LIFR: variants seen among roughly 807,000 people sequenced by gnomAD.
LIFR encodes the protein leukemia inhibitory factor receptor.
Under a neutral mutation model 122.2 loss-of-function variants are expected in LIFR, and 84 were observed. The observed-to-expected ratio is 0.69, with a 90% confidence interval of 0.58 to 0.82. The LOEUF is 0.82. Among genes scored for constraint, LIFR ranks in the 40% least tolerant of loss-of-function variants. LIFR has a pLI of 0.00. For synonymous variants in LIFR, 422 were observed against 434.7 expected (o/e 0.97, Z 0.36); for missense variants, 1,294 against 1,311.6 (o/e 0.99, Z 0.21).
Position 38,585,423 on chromosome 5 carries a change from C to T in LIFR, c.-20+9838G>A, listed in dbSNP as rs549190641. On this transcript the variant is annotated intron_variant, in intron 1 of 19. Coordinates refer to the LIFR transcript ENST00000263409. Reference sequence around the variant, plus strand: ...AACAAGCAAGGCTACTGACTTTTGCCAGGGTCATGTTTGGAGGTCGCTTTA... The same window carrying T: ...AACAAGCAAGGCTACTGACTTTTGCTAGGGTCATGTTTGGAGGTCGCTTTA... 3.3e-5 allele frequency among the ~76,000 whole-genome samples: 5 copies of T among 152,292 alleles called. No individual in the cohort carries two copies. In the South Asian group the frequency reaches 6.2e-4, roughly 19 times the overall value.
At chr5:38,605,681 T>C (rs1750314258) in intron 2 of LIFR, among the ~76,000 whole-genome samples, 1 of 152,166 alleles carries the variant, frequency 6.6e-6, no homozygotes, top group African/African-American at 2.4e-5. Context: ...CACAGGGAAA[T>C]TCCCTGTGGA....
At chr5:38,554,008 T>A (rs933178351) in intron 1 of LIFR, among the ~76,000 whole-genome samples, 1 of 152,112 alleles carries the variant, frequency 6.6e-6, no homozygotes, top group African/African-American at 2.4e-5. Flanking sequence ...CTGGTGATAA[T>A]CTACAGAAGG....
chr5:38,490,498 C>A (rs138049508), intron 14 of LIFR: 130 of 301,808 alleles, frequency 4.3e-4, no homozygotes, highest in Non-Finnish European at 3.5e-4. Flanking sequence ...TCTATTTTAA[C>A]AAAAAGTTTA....
intron 1 of LIFR, among the ~76,000 whole-genome samples, chr5:38,580,838 G>A (rs914675825): frequency 1.3e-5 from 2 of 152,048 alleles, no homozygotes; most frequent in Admixed American, 6.6e-5. Context: ...TTCAGCCTCT[G>A]CAGCCCCATA....
Position 38,490,298 on chromosome 5 carries a change from G to C in LIFR, c.2066-7C>G, listed in dbSNP as rs1744514857. 7.8e-7 allele frequency: 1 copy of C among 1,280,226 alleles called. No homozygotes were observed. The highest frequency in any genetic ancestry group is 1.5e-5 in the African/African-American group (1 of 68,280). The allele number at this position is 1,280,226 out of a possible 1,614,324, so 79.3% of individuals were successfully genotyped here. ...ATACCTGGTCGAAACTCATCTATAG[G>C]ATGAACATATCAGCAAACTTTCATA... On this transcript the variant is annotated splice_polypyrimidine_tract_variant and splice_region_variant and intron_variant, in intron 14 of 19. Coordinates refer to ENST00000453190, the MANE Select transcript of LIFR (RefSeq NM_001127671.2).
rs1450092975 is a variant in LIFR at position 38,523,634 on chromosome 5, T to C, written c.398-52A>G. 3 of 1,391,992 alleles carry C rather than the reference T, an allele frequency of 2.2e-6. 1 individual carries two copies. Among genetic ancestry groups the C allele is most frequent in the South Asian group, 1.2e-5 (1 of 86,002 alleles). The allele number at this position is 1,391,992 out of a possible 1,614,324, so 86.2% of individuals were successfully genotyped here. A position where few individuals can be genotyped will look rare whatever the true frequency, so the allele number is the denominator to read the frequency against. ...AACTTAGTAAAATAAGTAATGATTT[T>C]TCATACTGTAACTCCACTAATCAAC... On this transcript the variant is annotated intron_variant, in intron 4 of 19. Transcript: ENST00000453190.
intron 1 of LIFR, among the ~76,000 whole-genome samples, chr5:38,551,309 C>T (rs1354555912): frequency 1.3e-5 from 2 of 152,090 alleles, no homozygotes; most frequent in Non-Finnish European, 2.9e-5. Context: ...CTGTGGCACT[C>T]GGGTGTCCTC....
chr5:38,502,860 T>C, intron 10 of LIFR, 61 bp from the exon 11 acceptor site: 1 of 979,964 alleles, frequency 1.0e-6, no homozygotes, highest in Non-Finnish European at 1.5e-6. Flanking sequence ...TACATATATA[T>C]ATACATACAC....
intron 1 of LIFR, among the ~76,000 whole-genome samples, chr5:38,533,970 T>C (rs1051998369): frequency 1.3e-5 from 2 of 152,198 alleles, no homozygotes; most frequent in Non-Finnish European, 2.9e-5. Flanking sequence ...AATACTAAGC[T>C]GGAACACTCG....
At position 38,564,771 on chromosome 5, in the gene LIFR, CACACACAT is replaced by C. The variant is rs763658768; in HGVS notation, c.-20+30482_-20+30489del. ...ACACACACACACACACACACACACA[CACACACAT>C]ATATTTTTTTTTTGAGTCAGAGTCT... On this transcript the variant is annotated intron_variant, in intron 1 of 19. Coordinates refer to the LIFR transcript ENST00000263409. Among the ~76,000 whole-genome samples the C allele has an allele frequency of 6.2e-3, 817 of 131,006 alleles. 4 individuals carry two copies. Among genetic ancestry groups the C allele is most frequent in the Non-Finnish European group, 9.7e-3 (592 of 60,766 alleles). 85.9% of individuals were successfully genotyped at this position (131,006 alleles called of 152,430 possible).
At chr5:38,528,525 C>T in intron 3 of LIFR, 1 of 609,602 alleles carries the variant, frequency 1.6e-6, no homozygotes, top group Admixed American at 2.6e-5. Context: ...GACTCTGTCC[C>T]CTCTTCTCAC....
chr5:38,542,738 A>G (rs1473884796), intron 1 of LIFR, among the ~76,000 whole-genome samples: 4 of 152,108 alleles, frequency 2.6e-5, no homozygotes, highest in African/African-American at 4.8e-5. Flanking sequence ...GTGGTGCCTC[A>G]GTGTTCCCGC....
intron 1 of LIFR, among the ~76,000 whole-genome samples, chr5:38,535,915 C>A (rs1747271990): frequency 6.6e-6 from 1 of 152,196 alleles, no homozygotes. Flanking sequence ...AGCAAACTGA[C>A]AGAGCTATCA....
intron 1 of LIFR, among the ~76,000 whole-genome samples, chr5:38,581,060 G>T (rs1749565412): frequency 6.6e-6 from 1 of 152,148 alleles, no homozygotes; most frequent in Non-Finnish European, 1.5e-5. Flanking sequence ...TCATTACAAT[G>T]TCTACCCCAG....
rs536328161 is a variant in LIFR, at chr5:38,605,176, T to C, written n.305+1029A>G. On this transcript the variant is annotated intron_variant and non_coding_transcript_variant, in intron 2 of 3. Transcript: ENST00000507786. The stretch of plus-strand genomic sequence containing the variant: ...AGGCACGTCTGGCCTCCACTTTACA[T>C]CATGGCCTGAACTTGTCTTTCAGCT... 4.6e-5 allele frequency among the ~76,000 whole-genome samples: 7 copies of C among 152,246 alleles called. No homozygotes were observed. The East Asian group carries it at 1.4e-3, about 29-fold the overall frequency.
Position 38,480,327 on chromosome 5 carries a change from C to T in LIFR, c.*1268G>A. ...ATCGCTTATGAGAAACAAGGGTGGG[C>T]AGAGGATGCTGTGCTGAAGGCAATC... On this transcript the variant is annotated 3_prime_UTR_variant, in exon 20 of 20. Coordinates refer to ENST00000453190, the MANE Select transcript of LIFR (RefSeq NM_001127671.2). 1 of 227,694 alleles carries T rather than the reference C, an allele frequency of 4.4e-6. No homozygotes were observed. Among genetic ancestry groups the T allele is most frequent in the Admixed American group, 5.7e-5 (1 of 17,616 alleles). The allele number at this position is 227,694 out of a possible 1,614,324, so 14.1% of individuals were successfully genotyped here.
At chr5:38,580,261 T>C (rs1366540784) in intron 1 of LIFR, among the ~76,000 whole-genome samples, 2 of 152,204 alleles carry the variant, frequency 1.3e-5, no homozygotes, top group East Asian at 1.9e-4. Flanking sequence ...AAGTGGAGGT[T>C]CTTGTTTCTC....
intron 16 of LIFR, among the ~76,000 whole-genome samples, chr5:38,487,400 G>T (rs1744345172): frequency 6.6e-6 from 1 of 152,154 alleles, no homozygotes; most frequent in Non-Finnish European, 1.5e-5. Context: ...CTGGAGTGTT[G>T]CTGGGCTGTC....
At chr5:38,506,926 C>G (rs1440475139) in intron 7 of LIFR, among the ~76,000 whole-genome samples, 1 of 152,146 alleles carries the variant, frequency 6.6e-6, no homozygotes, top group African/African-American at 2.4e-5. Flanking sequence ...AATCCTATTT[C>G]AGAGGCTACC....
Sources: gnomAD v4.1 joint callset for allele counts (sites outside exome capture counted in the v4.1 genomes callset) on GRCh38, gnomAD v4.1.1 for gene constraint, MANE v1.5 for transcripts, NCBI Gene and HGNC (gene_info 2026-07-23, HGNC 2026-07-21) for gene names.